SMOC2: variants seen among roughly 807,000 people sequenced by gnomAD.
SMOC2 encodes the protein SPARC-related modular calcium-binding protein 2.
SMOC2 carries 39 observed loss-of-function variants against 61.4 expected under a neutral mutation model. The observed-to-expected ratio is 0.64, with a 90% CI of 0.49 to 0.83. The LOEUF is 0.83. Among genes scored for constraint, SMOC2 ranks in the 40% least tolerant of loss-of-function variants. The pLI is 0.00. For missense variants in SMOC2, 556 were observed against 592.9 expected, an observed-to-expected ratio of 0.94 and a Z score of 0.65; for synonymous variants, 247 against 239.9, an observed-to-expected ratio of 1.03 and a Z score of -0.27.
At chr6:168,477,193 A>G (rs1009360527) in intron 1 of SMOC2, among the ~76,000 whole-genome samples, 4 of 152,188 alleles carry the variant, frequency 2.6e-5, no homozygotes, top group African/African-American at 9.7e-5. Flanking sequence ...TCCTGTGGAC[A>G]CTCCAGCCCA....
chr6:168,503,065 CTTTTTTT>C (rs762736911), intron 1 of SMOC2, among the ~76,000 whole-genome samples: 4 of 47,804 alleles, frequency 8.4e-5, no homozygotes, highest in African/African-American at 3.1e-4. Context: ...CGTGCCTGGC[CTTTTTTT>C]TTTTTTTTTT....
In SMOC2 at chr6:168,652,843, C is replaced by T. The variant is rs114835240; in HGVS notation, c.1011-111C>T. 116 of 938,502 alleles carry T rather than the reference C, an allele frequency of 1.2e-4. No individual in the cohort carries two copies. In the African/African-American group the frequency reaches 1.8e-3, roughly 15 times the overall value. 58.1% of individuals were successfully genotyped at this position (938,502 alleles called of 1,614,324 possible). A position where few individuals can be genotyped will look rare whatever the true frequency, so the allele number is the denominator to read the frequency against. On this transcript the variant is annotated intron_variant, in intron 10 of 12. Coordinates refer to ENST00000356284, the MANE Select transcript of SMOC2 (RefSeq NM_001166412.2). ...ATGACCAGTGCTGCAGGCTGAGACA[C>T]CAGGACCATGAGAACTACAAGCAGG...
chr6:168,509,047 C>T (rs1301186430), intron 1 of SMOC2, among the ~76,000 whole-genome samples: 5 of 148,908 alleles, frequency 3.4e-5, no homozygotes, highest in Admixed American at 6.6e-5. Flanking sequence ...GAGGCCTGGA[C>T]GGGACTAGTT....
intron 10 of SMOC2, among the ~76,000 whole-genome samples, chr6:168,652,092 A>G (rs535503713): frequency 5.1e-4 from 77 of 152,308 alleles, no homozygotes; most frequent in African/African-American, 1.7e-3. Flanking sequence ...GTAAATTTCA[A>G]CTTTACATCT....
chr6:168,649,240 G>A (rs886932792), intron 9 of SMOC2, among the ~76,000 whole-genome samples: 95 of 152,318 alleles, frequency 6.2e-4, no homozygotes, highest in African/African-American at 7.2e-4. Flanking sequence ...TGGCGGGGCC[G>A]TCTAAAACTT....
At chr6:168,616,370 G>A (rs968360062) in intron 9 of SMOC2, among the ~76,000 whole-genome samples, 1 of 152,204 alleles carries the variant, frequency 6.6e-6, no homozygotes, top group African/African-American at 2.4e-5. Context: ...TGACCCATGA[G>A]GCTGGGACAA....
intron 8 of SMOC2, 63 bp from the exon 9 acceptor site, chr6:168,608,094 A>G (rs1785757404): frequency 6.7e-7 from 1 of 1,492,398 alleles, no homozygotes; most frequent in Non-Finnish European, 9.2e-7. Context: ...TGGAAGACAA[A>G]CCACAGCTGG....
intron 1 of SMOC2, among the ~76,000 whole-genome samples, chr6:168,501,977 C>T (rs1341590321): frequency 1.3e-5 from 2 of 152,236 alleles, no homozygotes; most frequent in South Asian, 2.1e-4. Context: ...CTCTTTCCTG[C>T]ATCTGCCTCC....
chr6:168,626,126 G>T (rs1786402689), intron 9 of SMOC2, among the ~76,000 whole-genome samples: 1 of 152,212 alleles, frequency 6.6e-6, no homozygotes, highest in Non-Finnish European at 1.5e-5. Flanking sequence ...CGTGAAGGAG[G>T]CAAGTTCCTT....
chr6:168,637,098 C>A (rs1786759249), intron 9 of SMOC2, among the ~76,000 whole-genome samples: 1 of 151,952 alleles, frequency 6.6e-6, no homozygotes, highest in South Asian at 2.1e-4. Flanking sequence ...TATTTTTTCA[C>A]TTTTTTGATC....
intron 1 of SMOC2, among the ~76,000 whole-genome samples, chr6:168,480,029 C>A (rs1277156933): frequency 6.6e-6 from 1 of 152,252 alleles, no homozygotes; most frequent in South Asian, 2.1e-4. Flanking sequence ...CCTGAGAGGA[C>A]CTTCATTTTA....
rs566337232 is a variant in SMOC2 at position 168,527,793 on chromosome 6, A to G, written c.463+66A>G. The G allele has an allele frequency of 1.8e-4, 195 of 1,095,552 alleles. No homozygotes were observed. The African/African-American group carries it at 2.8e-3, about 16-fold the overall frequency. The allele number at this position is 1,095,552 out of a possible 1,614,324, so 67.9% of individuals were successfully genotyped here. ...AATTGGTTTGCCGTTTCTTCTCATC[A>G]TCTTCCCTGGGTTTACTGATAATTC... On this transcript the variant is annotated intron_variant, in intron 4 of 12. Coordinates refer to ENST00000356284, the MANE Select transcript of SMOC2 (RefSeq NM_001166412.2).
At chr6:168,599,393 CA>C in intron 8 of SMOC2, among the ~76,000 whole-genome samples, 1 of 97,144 alleles carries the variant, frequency 1.0e-5, no homozygotes, top group Admixed American at 1.0e-4. Context: ...CACACTCACA[CA>C]CACACTGACA....
chr6:168,471,199 G>A (rs1349997806), intron 1 of SMOC2, among the ~76,000 whole-genome samples: 1 of 152,120 alleles, frequency 6.6e-6, no homozygotes, highest in Non-Finnish European at 1.5e-5. Context: ...TGGCAAAACC[G>A]AAACTTGACC....
chr6:168,607,651 C>T (rs1302911612), intron 8 of SMOC2, among the ~76,000 whole-genome samples: 1 of 145,132 alleles, frequency 6.9e-6, no homozygotes, highest in Non-Finnish European at 1.5e-5. Flanking sequence ...AATGAGTTGG[C>T]CTTTGGTGCT....
Position 168,441,389 on chromosome 6 carries a change from T to C in SMOC2, c.19T>C (p.Cys7Arg). The change falls in exon 1 of 13, where the codon TGC becomes CGC. Residue 7 changes from cysteine to arginine, a missense_variant. Coordinates refer to ENST00000356284, the MANE Select transcript of SMOC2 (RefSeq NM_001166412.2). ...CGCCACCATGCTGCTCCCCCAGCTCTGCTGGCTGCCGCTGCTCGCTGGGCT... is the reference window on the plus strand; with the variant it reads ...CGCCACCATGCTGCTCCCCCAGCTCCGCTGGCTGCCGCTGCTCGCTGGGCT... MLLPQL[C>R]WLPLLAGLLP... The C allele has an allele frequency of 6.6e-7, 1 of 1,508,436 alleles. No homozygotes were observed. 93.4% of individuals were successfully genotyped at this position (1,508,436 alleles called of 1,614,324 possible).
At chr6:168,477,376 A>T (rs1782112346) in intron 1 of SMOC2, among the ~76,000 whole-genome samples, 1 of 152,200 alleles carries the variant, frequency 6.6e-6, no homozygotes, top group South Asian at 2.1e-4. Flanking sequence ...CAGAGCATGA[A>T]AAGGTATATT....
intron 1 of SMOC2, among the ~76,000 whole-genome samples, chr6:168,451,167 C>T (rs1230346083): frequency 6.6e-6 from 1 of 152,190 alleles, no homozygotes; most frequent in Admixed American, 6.5e-5. Flanking sequence ...AGCTTTCCCT[C>T]CCTCCCTCGG....
intron 9 of SMOC2, among the ~76,000 whole-genome samples, chr6:168,614,275 C>T (rs1213673033): frequency 3.0e-5 from 2 of 66,730 alleles, no homozygotes; most frequent in Non-Finnish European, 6.0e-5. Flanking sequence ...CTCTTTATAC[C>T]TACAGCCAGC....
Sources: gnomAD v4.1 joint callset for allele counts (sites outside exome capture counted in the v4.1 genomes callset) on GRCh38, gnomAD v4.1.1 for gene constraint, MANE v1.5 for transcripts, NCBI Gene and HGNC (gene_info 2026-07-23, HGNC 2026-07-21) for gene names.